Variants in CPS1 observed in about 807,000 individuals in gnomAD.
The protein encoded by CPS1 is carbamoyl-phosphate synthase [ammonia], mitochondrial.
In CPS1, 109 loss-of-function variants were observed where a neutral mutation model predicts 174.6. The ratio of observed to expected loss-of-function variants is 0.62; its 90% CI spans 0.53 to 0.73. The LOEUF is 0.73. Among genes scored for constraint, CPS1 ranks in the 30% least tolerant of loss-of-function variants. CPS1 has a pLI of 0.00. For missense variants in CPS1, 1,689 were observed against 1,821.9 expected (o/e 0.93, Z 1.33); for synonymous variants, 637 against 632.0 (o/e 1.01, Z -0.12).
intron 5 of CPS1, among the ~76,000 whole-genome samples, chr2:210,581,374 G>GGAATA (rs1697918396): frequency 6.6e-6 from 1 of 152,036 alleles, no homozygotes; most frequent in Non-Finnish European, 1.5e-5. Context: ...CAAAATTGGC[G>GGAATA]GAATAGATTG....
chr2:210,486,115 TACACACACACACACAC>T (rs60740361), intron 1 of CPS1, among the ~76,000 whole-genome samples: 7 of 135,666 alleles, frequency 5.2e-5, no homozygotes, highest in East Asian at 2.1e-4. Flanking sequence ...CACACACACA[TACACACACACACACAC>T]ACACACACAC....
chr2:210,542,107 A>C (rs1471527236), intron 1 of CPS1, among the ~76,000 whole-genome samples: 1 of 152,076 alleles, frequency 6.6e-6, no homozygotes, highest in Non-Finnish European at 1.5e-5. Flanking sequence ...TCTAGGGTCT[A>C]CCATTATAAT....
chr2:210,568,602 AT>A (rs1697375312), intron 1 of CPS1, among the ~76,000 whole-genome samples: 1 of 152,072 alleles, frequency 6.6e-6, no homozygotes, highest in Non-Finnish European at 1.5e-5. Context: ...AGGTAGAACT[AT>A]TTTTAATTGG....
At position 210,584,093 on chromosome 2, in the gene CPS1, A is replaced by G. The variant is rs556301574; in HGVS notation, c.621+1384A>G. Among the ~76,000 whole-genome samples, 5 of 152,230 alleles carry G rather than the reference A, an allele frequency of 3.3e-5. No individual in the cohort carries two copies. In the East Asian group the frequency reaches 7.7e-4, roughly 24 times the overall value. On this transcript the variant is annotated intron_variant, in intron 6 of 37. Coordinates refer to ENST00000233072, the MANE Select transcript of CPS1 (RefSeq NM_001875.5). ...ATACTGCTATGAAATTTTTTTAAAGAAAAGTTTTTGATCCGCTTTGAAACT... is the reference window on the plus strand; with the variant it reads ...ATACTGCTATGAAATTTTTTTAAAGGAAAGTTTTTGATCCGCTTTGAAACT...
chr2:210,508,303 A>G (rs540425660), intron 1 of CPS1, among the ~76,000 whole-genome samples: 6 of 152,156 alleles, frequency 3.9e-5, no homozygotes, highest in Admixed American at 3.3e-4. Flanking sequence ...AAATGAAGGC[A>G]GAAATAAAGA....
chr2:210,588,868 C>T (rs1244539794), intron 7 of CPS1, among the ~76,000 whole-genome samples: 1 of 152,080 alleles, frequency 6.6e-6, no homozygotes, highest in African/African-American at 2.4e-5. Context: ...ATTTTATTAA[C>T]AAACATTTGC....
intron 1 of CPS1, among the ~76,000 whole-genome samples, chr2:210,541,785 T>C (rs1015427981): frequency 1.3e-5 from 2 of 152,220 alleles, no homozygotes; most frequent in African/African-American, 4.8e-5. Context: ...CTTTGTAATG[T>C]AATGATGGTT....
chr2:210,615,970 G>C lies in CPS1; in HGVS notation c.2569-453G>C, dbSNP rs193033144. On this transcript the variant is annotated intron_variant, in intron 20 of 37. Coordinates refer to ENST00000233072, the MANE Select transcript of CPS1 (RefSeq NM_001875.5). ...TATTGTATGTTTGTGTGAATGTGGA[G>C]TGAGGTGATAAAAATATGCTATCTC... 3.4e-4 allele frequency among the ~76,000 whole-genome samples: 51 copies of C among 152,148 alleles called. 1 individual carries two copies. Among genetic ancestry groups the C allele is most frequent in the Non-Finnish European group, 1.3e-4 (9 of 67,954 alleles).
At chr2:210,582,204 C>CT (rs961390239) in intron 5 of CPS1, among the ~76,000 whole-genome samples, 8 of 152,170 alleles carry the variant, frequency 5.3e-5, no homozygotes, top group African/African-American at 1.4e-4. Flanking sequence ...TGAATTCCCG[C>CT]TTTTTTTGTG....
chr2:210,496,256 C>T (rs1346961433), intron 1 of CPS1, among the ~76,000 whole-genome samples: 1 of 151,952 alleles, frequency 6.6e-6, no homozygotes, highest in African/African-American at 2.4e-5. Context: ...GGAATGAAAC[C>T]AAAACTGTGT....
intron 6 of CPS1, among the ~76,000 whole-genome samples, chr2:210,586,789 T>C (rs1649957653): frequency 6.6e-6 from 1 of 152,110 alleles, no homozygotes; most frequent in Admixed American, 6.6e-5. Flanking sequence ...TGCAATTAAA[T>C]AATATTACTA....
chr2:210,648,052 A>G lies in CPS1; in HGVS notation c.3331A>G (p.Thr1111Ala). 6.2e-7 allele frequency: 1 copy of G among 1,613,882 alleles called. No homozygotes were observed. The highest frequency in any genetic ancestry group is 8.5e-7 in the Non-Finnish European group (1 of 1,179,826). Residue 1111 changes from threonine to alanine, a missense_variant, in exon 26 of 38, where the codon ACT becomes GCT. Transcript: ENST00000233072. ...VAQAPWKAVN[T>A]LNEALEFAKS... ...TCAGGCACCTTGGAAAGCTGTTAATACTTTGGTAAGGAGAGAAACAAGTAT... is the reference window on the plus strand; with the variant it reads ...TCAGGCACCTTGGAAAGCTGTTAATGCTTTGGTAAGGAGAGAAACAAGTAT...
chr2:210,500,782 G>A (rs1285465856), intron 1 of CPS1, among the ~76,000 whole-genome samples: 1 of 152,158 alleles, frequency 6.6e-6, no homozygotes, highest in East Asian at 1.9e-4. Context: ...TACCATTCTG[G>A]GGTCTGGAGG....
chr2:210,479,780 T>C (rs1475443005), intron 1 of CPS1, among the ~76,000 whole-genome samples: 1 of 152,236 alleles, frequency 6.6e-6, no homozygotes, highest in East Asian at 1.9e-4. Flanking sequence ...TGGATCATTC[T>C]ACTTTTGATA....
Position 210,599,673 on chromosome 2 carries a change from C to G in CPS1, c.1549+112C>G, listed in dbSNP as rs534946584. On this transcript the variant is annotated intron_variant, in intron 14 of 37. Transcript: ENST00000233072. ...TTTGTGTGTTCATAAAACCTTTCCT[C>G]TACTGTGTGAGAAAGCAGTTAGCAA... 6 of 1,191,774 alleles carry G rather than the reference C, an allele frequency of 5.0e-6. No individual in the cohort carries two copies. In the East Asian group the frequency reaches 1.4e-4, roughly 29 times the overall value. 73.8% of individuals were successfully genotyped at this position (1,191,774 alleles called of 1,614,324 possible).
chr2:210,634,483 T>C lies in CPS1; in HGVS notation c.2688-3219T>C, dbSNP rs531613879. Among the ~76,000 whole-genome samples, 7 of 152,290 alleles carry C rather than the reference T, an allele frequency of 4.6e-5. No homozygotes were observed. The East Asian group carries it at 1.2e-3, about 25-fold the overall frequency. ...TTCAAAATTAATTTCTCTCTCTCTCTCTTTTTCTTGAAAGTAAAAGTAACC... is the reference window on the plus strand; with the variant it reads ...TTCAAAATTAATTTCTCTCTCTCTCCCTTTTTCTTGAAAGTAAAAGTAACC... On this transcript the variant is annotated intron_variant, in intron 21 of 37. Coordinates refer to ENST00000233072, the MANE Select transcript of CPS1 (RefSeq NM_001875.5).
chr2:210,678,214 T>C lies in CPS1; in HGVS notation c.*229T>C. 3 of 580,272 alleles carry C rather than the reference T, an allele frequency of 5.2e-6. No individual in the cohort carries two copies. The highest frequency in any genetic ancestry group is 9.4e-6 in the Non-Finnish European group (3 of 319,662). 35.9% of individuals were successfully genotyped at this position (580,272 alleles called of 1,614,324 possible). ...TCATGAGATTTCATCCATTTACTAA[T>C]ACTGTATTTTTGGTGGACTAGGCTT... On this transcript the variant is annotated 3_prime_UTR_variant, in exon 38 of 38. Transcript: ENST00000233072.
At chr2:210,553,625 C>G (rs1574516128), upstream of CPS1, among the ~76,000 whole-genome samples, 1 of 151,968 alleles carries the variant, frequency 6.6e-6, no homozygotes, top group Non-Finnish European at 1.5e-5. Flanking sequence ...TCACTCTGCT[C>G]AGCTGCGTGC....
Position 210,677,932 on chromosome 2 carries a change from G to A in CPS1, c.4450G>A (p.Asp1484Asn), listed in dbSNP as rs1701584659. Reference protein sequence around the residue: ...AEAVQKSRKVDSKSLFHYRQY... With the variant: ...AEAVQKSRKVNSKSLFHYRQY... ...AGCTGTGCAGAAATCTCGCAAGGTG[G>A]ACTCCAAGAGTCTTTTCCACTACAG... The change falls in exon 38 of 38, where the codon GAC (aspartate) becomes AAC (asparagine). Residue 1484 changes from aspartate (D) to asparagine (N), a missense_variant. Physicochemically the swap from Asp to Asn is conservative, Grantham distance 23. Transcript: ENST00000233072. 1 of 1,614,076 alleles carries A rather than the reference G, an allele frequency of 6.2e-7. No homozygotes were observed. Among genetic ancestry groups the A allele is most frequent in the Non-Finnish European group, 8.5e-7 (1 of 1,179,994 alleles).
Sources: allele counts gnomAD v4.1 joint callset (sites outside exome capture counted in the v4.1 genomes callset), GRCh38; gene constraint gnomAD v4.1.1; transcripts MANE v1.5; gene names NCBI Gene and HGNC (gene_info 2026-07-23, HGNC 2026-07-21).